Variants in DDX51 observed in about 807,000 individuals in gnomAD.
DDX51 encodes the protein ATP-dependent RNA helicase DDX51.
In DDX51, 67 loss-of-function variants were observed where a neutral mutation model predicts 74.6. The observed-to-expected ratio is 0.90, with a 90% confidence interval of 0.74 to 1.10. The LOEUF (loss-of-function observed/expected upper bound fraction) is 1.10, where lower values mean the gene tolerates loss of function less well. Among genes scored for constraint, DDX51 ranks in the 50% least tolerant of loss-of-function variants. DDX51 has a pLI of 0.00. For missense variants in DDX51, 1,056 were observed against 905.2 expected (o/e 1.17, Z -2.14); for synonymous variants, 545 against 402.9 (o/e 1.35, Z -4.22).
intron 2 of DDX51, 33 bp from the exon 3 acceptor site, chr12:132,142,911 C>T (rs771127893): frequency 5.6e-6 from 9 of 1,610,654 alleles, no homozygotes; most frequent in East Asian, 2.2e-5. Context: ...GCCAGGTGAG[C>T]GCTTTCCAGG....
At chr12:132,140,347 T>G in intron 11 of DDX51, 76 bp downstream of exon 11, 1 of 1,585,506 alleles carries the variant, frequency 6.3e-7, no homozygotes, top group East Asian at 2.2e-5. Flanking sequence ...AGGAAGCACC[T>G]TTTAGAGAGC....
chr12:132,141,954 C>T lies in DDX51; in HGVS notation c.891G>A (p.Val297=), dbSNP rs747857727. The change falls in exon 6 of 15, where the codon GTG becomes GTA. Residue 297 remains valine (V), a splice_region_variant and synonymous_variant. Coordinates refer to ENST00000397333, the MANE Select transcript of DDX51 (RefSeq NM_175066.4). Reference sequence around the variant, plus strand: ...CTGTGTAGATGTTGAAAACTTTGCTCACCTGCAGGAGAAGTCTGTCACTGG... The same window carrying T: ...CTGTGTAGATGTTGAAAACTTTGCTTACCTGCAGGAGAAGTCTGTCACTGG... ...VLPTKELAQQ[V]SKVFNIYTDA... 2 of 1,612,688 alleles carry T rather than the reference C, an allele frequency of 1.2e-6. No individual in the cohort carries two copies. Among genetic ancestry groups the T allele is most frequent in the Middle Eastern group, 1.7e-4 (1 of 6,058 alleles).
intron 2 of DDX51, chr12:132,143,219 T>G (rs1469195837): frequency 2.4e-6 from 1 of 411,246 alleles, no homozygotes; most frequent in Non-Finnish European, 4.5e-6. Flanking sequence ...AACCTTGACC[T>G]GGCTTCAAGT....
intron 2 of DDX51, chr12:132,143,164 C>T (rs1444927500): frequency 6.4e-6 from 3 of 468,514 alleles, no homozygotes; most frequent in African/African-American, 4.0e-5. Flanking sequence ...CCCAGCCACG[C>T]CGGCGTCCCT....
intron 9 of DDX51, 48 bp from the exon 10 acceptor site, chr12:132,140,783 G>A (rs1316753358): frequency 1.2e-6 from 2 of 1,613,080 alleles, no homozygotes; most frequent in Non-Finnish European, 8.5e-7. Context: ...TTGGTTAGGG[G>A]CCCCAGGTTC....
rs373307850 is a variant in DDX51 at position 132,139,895 on chromosome 12, G to C, written c.1805C>G (p.Thr602Ser). The C allele has an allele frequency of 6.8e-6, 11 of 1,613,028 alleles. No individual in the cohort carries two copies. The highest frequency in any genetic ancestry group is 6.7e-5 in the African/African-American group (5 of 74,938). ...RVGRTARAGK[T>S]GQAFTLLLKV... ...CAGGAGCAGTGTGAAGGCCTGTCCA[G>C]TTTTCCCAGCGCGAGCTGTCCTCCC... The change falls in exon 13 of 15, where the codon ACT (threonine) becomes AGT (serine). Residue 602 changes from threonine to serine, a missense_variant. Transcript: ENST00000397333.
chr12:132,143,137 A>C (rs1172627063), intron 2 of DDX51: 19 of 504,894 alleles, frequency 3.8e-5, no homozygotes, highest in South Asian at 2.8e-4. Context: ...AGGTCCTGTG[A>C]CCTGGCGCTC....
Position 132,142,837 on chromosome 12 carries a change from A to G in DDX51, c.561T>C (p.Cys187=), listed in dbSNP as rs756879424. ...GGTCTTCGGTGACATTCCTTCTGAC[A>G]CAGTTAGGCTCAGCCAGCCACCTTG... is the stretch of plus-strand genomic sequence containing the variant. ...FLPRWLAEPN[C]VRRNVTEDLV... The change falls in exon 3 of 15, where the codon TGT becomes TGC. Residue 187 remains cysteine, a synonymous_variant. Coordinates refer to ENST00000397333, the MANE Select transcript of DDX51 (RefSeq NM_175066.4). 1 of 1,612,976 alleles carries G rather than the reference A, an allele frequency of 6.2e-7. No individual in the cohort carries two copies. The highest frequency in any genetic ancestry group is 8.5e-7 in the Non-Finnish European group (1 of 1,180,012).
rs1022429020 is a variant in DDX51 at position 132,139,579 on chromosome 12, C to T, written c.1974+56G>A. On this transcript the variant is annotated intron_variant, in intron 14 of 14. Transcript: ENST00000397333. Reference sequence around the variant, plus strand: ...CTTTTCTCCACGTGTGGTGACGACGCCCTCTCTGCAAACGCCCTCCCCAGA... The same window carrying T: ...CTTTTCTCCACGTGTGGTGACGACGTCCTCTCTGCAAACGCCCTCCCCAGA... 4 of 1,612,872 alleles carry T rather than the reference C, an allele frequency of 2.5e-6. No homozygotes were observed. In the Admixed American group the frequency reaches 5.0e-5, roughly 20 times the overall value.
At position 132,141,324 on chromosome 12, in the gene DDX51, G is replaced by A. The variant is rs764530726; in HGVS notation, c.1201C>T (p.Pro401Ser). Residue 401 changes from proline to serine, a missense_variant, in exon 8 of 15, where the codon CCC becomes TCC. Transcript: ENST00000397333. ...TGCCTTCGCTGGAGCAGGGCACAGGGGTCCGCGGGGTCCTCGCTCTGGAAG... is the reference window on the plus strand; with the variant it reads ...TGCCTTCGCTGGAGCAGGGCACAGGAGTCCGCGGGGTCCTCGCTCTGGAAG... ...AAFQSEDPAD[P>S]CALLQRRQAQ... 6.3e-7 allele frequency: 1 copy of A among 1,598,764 alleles called. No individual in the cohort carries two copies. Among genetic ancestry groups the A allele is most frequent in the South Asian group, 1.1e-5 (1 of 90,986 alleles).
chr12:132,139,247 T>C lies in DDX51; in HGVS notation c.*25A>G, dbSNP rs770494547. On this transcript the variant is annotated 3_prime_UTR_variant, in exon 15 of 15. Transcript: ENST00000397333. ...GAGGGTCAGGGTGGTGAGCGTTCAG[T>C]CCCTCCGGCCCTCTGAGCCCCAGCC... 7 of 1,605,876 alleles carry C rather than the reference T, an allele frequency of 4.4e-6. No individual in the cohort carries two copies. The highest frequency in any genetic ancestry group is 5.9e-6 in the Non-Finnish European group (7 of 1,178,034).
rs1052717338 is a variant in DDX51, at chr12:132,139,130, G to A, written c.*142C>T. ...AGCTCTGACGCCCGGGCTGCCTGGC[G>A]CAGAGACCACGTGCTTGGGGAGGAA... On this transcript the variant is annotated 3_prime_UTR_variant, in exon 15 of 15. Coordinates refer to ENST00000397333, the MANE Select transcript of DDX51 (RefSeq NM_175066.4). The A allele has an allele frequency of 3.1e-5, 41 of 1,303,934 alleles. No individual in the cohort carries two copies. The East Asian group carries it at 4.1e-4, about 13-fold the overall frequency. 80.8% of individuals were successfully genotyped at this position (1,303,934 alleles called of 1,614,324 possible).
rs1454441780 is a variant in DDX51, at chr12:132,140,648, A to G, written c.1528T>C (p.Phe510Leu). ...LEMGFSRVLCFTNSRENSHRL... is the reference protein window; with the variant it reads ...LEMGFSRVLCLTNSRENSHRL... ...TGGGAGTTCTCTCGGGAGTTAGTGA[A>G]GCAGAGAACCCTCGAGAAGCCCATC... Residue 510 changes from phenylalanine (F) to leucine (L), a missense_variant, in exon 10 of 15, where the codon TTC becomes CTC. Coordinates refer to ENST00000397333, the MANE Select transcript of DDX51 (RefSeq NM_175066.4). 9 of 1,612,834 alleles carry G rather than the reference A, an allele frequency of 5.6e-6. No individual in the cohort carries two copies. The highest frequency in any genetic ancestry group is 7.6e-6 in the Non-Finnish European group (9 of 1,180,020).
intron 6 of DDX51, 65 bp downstream of exon 6, chr12:132,141,785 G>A: frequency 1.3e-6 from 2 of 1,564,338 alleles, no homozygotes; most frequent in East Asian, 2.2e-5. Context: ...CTCCCACGGT[G>A]CCTCAGGCCA....
Position 132,141,594 on chromosome 12 carries a change from G to T in DDX51, c.1008C>A (p.Tyr336Ter), listed in dbSNP as rs1358614008. The part of the protein sequence containing the change: ...ESLVQKTADG[Y>*]RCLADIVVAT... ...CTACCACGATGTCAGCCAAGCAGCG[G>T]TACCCATCAGCTCTACAGACCAGAG... The change falls in exon 7 of 15, where the codon TAC (tyrosine) becomes TAA (stop). Residue 336 changes from tyrosine (Y) to a stop codon, truncating the protein, a stop_gained. Transcript: ENST00000397333. LOFTEE classifies it high-confidence loss of function. The T allele has an allele frequency of 6.3e-7, 1 of 1,596,244 alleles. No individual in the cohort carries two copies. Among genetic ancestry groups the T allele is most frequent in the Non-Finnish European group, 8.5e-7 (1 of 1,172,838 alleles).
In DDX51 at chr12:132,140,122, T is replaced by C. The variant is rs766740835; in HGVS notation, c.1751A>G (p.Gln584Arg). 1.2e-6 allele frequency: 2 copies of C among 1,612,818 alleles called. No individual in the cohort carries two copies. Among genetic ancestry groups the C allele is most frequent in the African/African-American group, 1.3e-5 (1 of 75,040 alleles). The change falls in exon 12 of 15, where the codon CAG becomes CGG. Residue 584 changes from glutamine to arginine, a missense_variant. Transcript: ENST00000397333. ...CCGGTGCACGTAGGTTCTCAGGTAC[T>C]GGGGGGCGTCGTAGTTCACCACCAG... ...VELVVNYDAP[Q>R]YLRTYVHRVG...
rs751985712 is a variant in DDX51, at chr12:132,141,366, G to A, written c.1159C>T (p.Arg387Trp). ...CTCTGGAAGGCGGCCGCCACCACCC[G>A]CGGCAGCCAGGACTGATGCATGCTG... ...IDSMHQSWLP[R>W]VVAAAFQSED... Residue 387 changes from arginine to tryptophan, a missense_variant, in exon 8 of 15, where the codon CGG (arginine) becomes TGG (tryptophan). Coordinates refer to ENST00000397333, the MANE Select transcript of DDX51 (RefSeq NM_175066.4). The A allele has an allele frequency of 1.9e-5, 30 of 1,598,364 alleles. No individual in the cohort carries two copies. Among genetic ancestry groups the A allele is most frequent in the East Asian group, 4.5e-5 (2 of 44,880 alleles).
At chr12:132,143,623 C>T (rs1042242182) in intron 2 of DDX51, 72 bp downstream of exon 2, 7 of 1,508,948 alleles carry the variant, frequency 4.6e-6, no homozygotes, top group Admixed American at 2.0e-5. Flanking sequence ...TCTTCCGGGG[C>T]GACCGCCGCA....
rs995953174 is a variant in DDX51, at chr12:132,139,043, A to C, written c.*229T>G. The C allele has an allele frequency of 5.1e-6, 3 of 588,986 alleles. No homozygotes were observed. Among genetic ancestry groups the C allele is most frequent in the Non-Finnish European group, 8.8e-6 (3 of 339,148 alleles). The allele number at this position is 588,986 out of a possible 1,614,324, so 36.5% of individuals were successfully genotyped here. A position where few individuals can be genotyped will look rare whatever the true frequency, so the allele number is the denominator to read the frequency against. On this transcript the variant is annotated 3_prime_UTR_variant, in exon 15 of 15. Coordinates refer to ENST00000397333, the MANE Select transcript of DDX51 (RefSeq NM_175066.4). The stretch of plus-strand genomic sequence containing the variant: ...TACTAAGGCTTCATTGCCCGCAGCC[A>C]TCCTGACCTCCACACTCTGAAAGTG...
Sources: allele counts gnomAD v4.1 joint callset, GRCh38; gene constraint gnomAD v4.1.1; transcripts MANE v1.5; gene names NCBI Gene and HGNC (gene_info 2026-07-23, HGNC 2026-07-21).